BORCS5: variants seen among roughly 807,000 people sequenced by gnomAD.
BORCS5 encodes the protein BLOC-1-related complex subunit 5.
Under a neutral mutation model 22.1 loss-of-function variants are expected in BORCS5, and 17 were observed. The observed-to-expected ratio is 0.77, with a 90% CI of 0.53 to 1.15. BORCS5 has a LOEUF of 1.15. BORCS5 is among the 50% of genes most tolerant of loss of function. BORCS5 has a pLI of 0.00. For synonymous variants in BORCS5, 117 were observed against 99.8 expected, an observed-to-expected ratio of 1.17 and a Z score of -1.03; for missense variants, 247 against 253.2, an observed-to-expected ratio of 0.98 and a Z score of 0.17.
At chr12:12,390,978 C>T (rs975722422) in intron 2 of BORCS5, among the ~76,000 whole-genome samples, 2 of 151,944 alleles carry the variant, frequency 1.3e-5, no homozygotes, top group Non-Finnish European at 2.9e-5. Flanking sequence ...AAAAAGTACA[C>T]GTTAAAAGGG....
intron 2 of BORCS5, among the ~76,000 whole-genome samples, chr12:12,419,229 G>A (rs1942052073): frequency 6.6e-6 from 1 of 152,126 alleles, no homozygotes; most frequent in Admixed American, 6.5e-5. Flanking sequence ...GGTGTATGAT[G>A]TTCCCCGCCC....
At chr12:12,390,594 C>A (rs896308894) in intron 2 of BORCS5, among the ~76,000 whole-genome samples, 1 of 150,462 alleles carries the variant, frequency 6.6e-6, no homozygotes, top group South Asian at 2.1e-4. Context: ...TGAGACCAGC[C>A]TGGTCAACAT....
intron 2 of BORCS5, among the ~76,000 whole-genome samples, chr12:12,426,325 A>G (rs1392823521): frequency 1.3e-5 from 2 of 152,238 alleles, no homozygotes; most frequent in Non-Finnish European, 2.9e-5. Context: ...TCACCTCTGC[A>G]TACCAAGTAG....
intron 3 of BORCS5, among the ~76,000 whole-genome samples, chr12:12,461,872 G>A (rs980192819): frequency 6.6e-5 from 10 of 152,116 alleles, no homozygotes; most frequent in African/African-American, 1.9e-4. Flanking sequence ...CAAGAGTTGT[G>A]GAGAATAAAG....
chr12:12,406,634 A>T (rs1941601311), intron 2 of BORCS5, among the ~76,000 whole-genome samples: 1 of 100,118 alleles, frequency 1.0e-5, no homozygotes, highest in Admixed American at 9.1e-5. Flanking sequence ...AAAAACCAAA[A>T]AACAAACAAA....
At chr12:12,447,533 C>T (rs942706353) in intron 3 of BORCS5, among the ~76,000 whole-genome samples, 3 of 152,132 alleles carry the variant, frequency 2.0e-5, no homozygotes, top group Non-Finnish European at 4.4e-5. Flanking sequence ...TCATCCTGCC[C>T]GGGAGCACAA....
chr12:12,382,741 C>G (rs886322198), intron 2 of BORCS5, among the ~76,000 whole-genome samples: 7 of 150,934 alleles, frequency 4.6e-5, no homozygotes, highest in Admixed American at 6.6e-5. Context: ...CCATGTTGGC[C>G]GGGCTGGTTT....
At chr12:12,425,479 C>T (rs1565901015) in intron 2 of BORCS5, among the ~76,000 whole-genome samples, 2 of 152,134 alleles carry the variant, frequency 1.3e-5, no homozygotes, top group African/African-American at 4.8e-5. Flanking sequence ...ACAAGGGTTC[C>T]AAGGATATGG....
In BORCS5 at chr12:12,463,121, G is replaced by A. The variant is rs188766628; in HGVS notation, c.361-2425G>A. On this transcript the variant is annotated intron_variant, in intron 3 of 3. Coordinates refer to ENST00000314565, the MANE Select transcript of BORCS5 (RefSeq NM_058169.6). The stretch of plus-strand genomic sequence containing the variant: ...GATATATCCCTAGATTGTCAAAATG[G>A]TGATTCAGAATTGTGTGAGATACTG... Among the ~76,000 whole-genome samples, 443 of 152,314 alleles carry A rather than the reference G, an allele frequency of 2.9e-3. 1 individual carries two copies. The highest frequency in any genetic ancestry group is 4.5e-3 in the Non-Finnish European group (305 of 68,034).
At chr12:12,406,357 A>G (rs1011374655) in intron 2 of BORCS5, among the ~76,000 whole-genome samples, 1 of 152,256 alleles carries the variant, frequency 6.6e-6, no homozygotes, top group African/African-American at 2.4e-5. Context: ...ATTATCTGCT[A>G]TAAGTATTGC....
At chr12:12,436,311 G>C (rs868692376) in intron 3 of BORCS5, among the ~76,000 whole-genome samples, 1 of 152,306 alleles carries the variant, frequency 6.6e-6, no homozygotes. Context: ...AGTTTTTAAA[G>C]GAAAGAAGCA....
chr12:12,377,263 C>T (rs971354822), intron 2 of BORCS5, among the ~76,000 whole-genome samples: 5 of 151,834 alleles, frequency 3.3e-5, no homozygotes, highest in African/African-American at 1.2e-4. Context: ...CTGCAAGCCC[C>T]GCCCCGCCAG....
intron 2 of BORCS5, among the ~76,000 whole-genome samples, chr12:12,398,317 C>G (rs896859427): frequency 2.6e-5 from 4 of 151,920 alleles, no homozygotes; most frequent in African/African-American, 9.7e-5. Context: ...TACAACATGA[C>G]TGGGAGGAGG....
At chr12:12,415,675 A>T (rs1941927670) in intron 2 of BORCS5, among the ~76,000 whole-genome samples, 1 of 150,978 alleles carries the variant, frequency 6.6e-6, no homozygotes, top group Admixed American at 6.6e-5. Context: ...CCAGGAATAA[A>T]TCTCACTTGG....
At chr12:12,440,788 A>C (rs1942667929) in intron 3 of BORCS5, among the ~76,000 whole-genome samples, 1 of 152,166 alleles carries the variant, frequency 6.6e-6, no homozygotes, top group Admixed American at 6.5e-5. Flanking sequence ...AGAATGTTGG[A>C]ATTGGAAGGA....
At chr12:12,429,413 T>G (rs1198115541) in intron 2 of BORCS5, among the ~76,000 whole-genome samples, 1 of 152,198 alleles carries the variant, frequency 6.6e-6, no homozygotes, top group Non-Finnish European at 1.5e-5. Flanking sequence ...CTTCTTATTT[T>G]CTCTGTCCTG....
chr12:12,416,756 C>T (rs1293158438), intron 2 of BORCS5, among the ~76,000 whole-genome samples: 1 of 151,052 alleles, frequency 6.6e-6, no homozygotes, highest in Non-Finnish European at 1.5e-5. Context: ...TCACCGCACC[C>T]AACTCTTGTT....
Position 12,367,620 on chromosome 12 carries a change from C to G in BORCS5, c.202+6271C>G, listed in dbSNP as rs139041108. 8.5e-5 allele frequency among the ~76,000 whole-genome samples: 13 copies of G among 152,296 alleles called. No individual in the cohort carries two copies. The East Asian group carries it at 2.5e-3, about 29-fold the overall frequency. On this transcript the variant is annotated intron_variant, in intron 2 of 3. Coordinates refer to ENST00000314565, the MANE Select transcript of BORCS5 (RefSeq NM_058169.6). ...AGCTGTTTACCAGCATTGGGTTAGC[C>G]TTACTCAGAAGAGTGGGAAGTACCA... is the stretch of plus-strand genomic sequence containing the variant.
intron 2 of BORCS5, among the ~76,000 whole-genome samples, chr12:12,375,749 C>T (rs1167602527): frequency 6.6e-6 from 1 of 152,200 alleles, no homozygotes; most frequent in Non-Finnish European, 1.5e-5. Context: ...GATAGATAAT[C>T]ATTTGCTTCT....
Sources: allele counts gnomAD v4.1 joint callset (sites outside exome capture counted in the v4.1 genomes callset), GRCh38; gene constraint gnomAD v4.1.1; transcripts MANE v1.5; gene names NCBI Gene and HGNC (gene_info 2026-07-23, HGNC 2026-07-21).